The following ZBTB7A variants were observed in gnomAD, a reference collection of about 807,000 sequenced individuals.
The protein encoded by ZBTB7A is zinc finger and BTB domain containing 7A.
Under a neutral mutation model 26.7 loss-of-function variants are expected in ZBTB7A, and 7 were observed. The observed-to-expected ratio is 0.26, with a 90% CI of 0.15 to 0.49. The LOEUF (loss-of-function observed/expected upper bound fraction) is 0.49, where lower values mean the gene tolerates loss of function less well. Among genes scored for constraint, ZBTB7A ranks in the 20% least tolerant of loss-of-function variants. The pLI, the probability that ZBTB7A is intolerant of heterozygous loss-of-function variation, is 0.98. For missense variants in ZBTB7A, 617 were observed against 919.5 expected, an observed-to-expected ratio of 0.67 and a Z score of 4.25; for synonymous variants, 452 against 441.0, an observed-to-expected ratio of 1.02 and a Z score of -0.31.
At chr19:4,062,952 A>G (rs570017606) in intron 1 of ZBTB7A, among the ~76,000 whole-genome samples, 8 of 152,106 alleles carry the variant, frequency 5.3e-5, no homozygotes, top group African/African-American at 1.9e-4. Context: ...AGGGGGAGTG[A>G]CTGCTGGGGT....
chr19:4,046,074 C>T lies in ZBTB7A; in HGVS notation c.*1678G>A. On this transcript the variant is annotated 3_prime_UTR_variant, in exon 3 of 3. Transcript: ENST00000322357. ...GGATCGGGGTGCTCCGGCTGGAAGG[C>T]CCATCCCTGAGCTAGGGAGGAGGAA... 1 of 399,052 alleles carries T rather than the reference C, an allele frequency of 2.5e-6. No individual in the cohort carries two copies. The allele number at this position is 399,052 out of a possible 1,614,324, so 24.7% of individuals were successfully genotyped here.
Position 4,043,319 on chromosome 19 carries a change from G to A in ZBTB7A, c.*4433C>T, listed in dbSNP as rs1206773649. On this transcript the variant is annotated 3_prime_UTR_variant, in exon 3 of 3. Transcript: ENST00000322357. ...GGCGGCAGCGGTCGTAACAGGCTGC[G>A]TTTAGTGGTTCTTTTTTTTTTTTTA... 6.7e-6 allele frequency among the ~76,000 whole-genome samples: 1 copy of A among 149,950 alleles called. No homozygotes were observed. Among genetic ancestry groups the A allele is most frequent in the Non-Finnish European group, 1.5e-5 (1 of 67,578 alleles).
intron 1 of ZBTB7A, among the ~76,000 whole-genome samples, chr19:4,056,416 C>CG (rs760748848): frequency 5.3e-5 from 8 of 152,176 alleles, no homozygotes; most frequent in Admixed American, 1.3e-4. Flanking sequence ...GGAGGGCCCC[C>CG]GGGAATGCCT....
Position 4,054,606 on chromosome 19 carries a change from CACGGCGGCCACA to C in ZBTB7A, c.615_626del (p.Val206_Val209del), listed in dbSNP as rs1321910290. On this transcript the variant is annotated inframe_deletion, in exon 2 of 3. Coordinates refer to ENST00000322357, the MANE Select transcript of ZBTB7A (RefSeq NM_015898.4). ...CTAAGCCGTTGCAGTCGCCCGCGGC[CACGGCGGCCACA>C]GCGGCGGCCACGGCCTCCTTGGTGG... 6.3e-7 allele frequency: 1 copy of C among 1,583,042 alleles called. No homozygotes were observed. Among genetic ancestry groups the C allele is most frequent in the Admixed American group, 1.8e-5 (1 of 55,586 alleles).
At chr19:4,053,926 G>A in intron 2 of ZBTB7A, 45 bp downstream of exon 2, 1 of 1,538,998 alleles carries the variant, frequency 6.5e-7, no homozygotes, top group Non-Finnish European at 8.7e-7. Context: ...GGCGGATGCT[G>A]GGGCAGAGAG....
Position 4,052,019 on chromosome 19 carries a change from G to A in ZBTB7A, c.1262+1952C>T, listed in dbSNP as rs1027983590. On this transcript the variant is annotated intron_variant, in intron 2 of 2. Transcript: ENST00000322357. This position sits in a 1 kb window ranked among gnomAD's most constrained non-coding sequence, Gnocchi z 4.9. ...TGGAGGGTGGAGGTGCTGGTGTCCT[G>A]GGGAGGGGGGACCAGAGCACGGGGT... Among the ~76,000 whole-genome samples the A allele has an allele frequency of 2.6e-5, 4 of 152,330 alleles. No individual in the cohort carries two copies. Among genetic ancestry groups the A allele is most frequent in the Middle Eastern group, 3.4e-3 (1 of 294 alleles).
At position 4,054,153 on chromosome 19, in the gene ZBTB7A, G is replaced by A; in HGVS notation, c.1080C>T (p.His360=). ...DYYLKYFSGA[H]DGDVYPAWSQ... is the part of the protein sequence containing the mutation. ...ACCAGGCCGGGTAGACGTCGCCGTCGTGGGCGCCGCTGAAGTACTTCAGGT... is the reference window on the plus strand; with the variant it reads ...ACCAGGCCGGGTAGACGTCGCCGTCATGGGCGCCGCTGAAGTACTTCAGGT... The change falls in exon 2 of 3, where the codon CAC becomes CAT. Residue 360 remains histidine (H), a synonymous_variant. Transcript: ENST00000322357. The A allele has an allele frequency of 6.2e-7, 1 of 1,602,942 alleles. No homozygotes were observed.
chr19:4,043,530 T>C lies in ZBTB7A; in HGVS notation c.*4222A>G, dbSNP rs2040371224. 6.6e-6 allele frequency among the ~76,000 whole-genome samples: 1 copy of C among 151,606 alleles called. No individual in the cohort carries two copies. The highest frequency in any genetic ancestry group is 2.4e-5 in the African/African-American group (1 of 41,224). On this transcript the variant is annotated 3_prime_UTR_variant, in exon 3 of 3. Coordinates refer to ENST00000322357, the MANE Select transcript of ZBTB7A (RefSeq NM_015898.4). ...CTCTGGAATGTCTATCTGTCTGTGC[T>C]CTGTACCCTGAGGGCGCCGCCCCGC...
At chr19:4,053,716 C>T (rs1252207938) in intron 2 of ZBTB7A, among the ~76,000 whole-genome samples, 1 of 150,672 alleles carries the variant, frequency 6.6e-6, no homozygotes, top group Non-Finnish European at 1.5e-5. Context: ...TGCATGTGTA[C>T]GTGGCATACG....
At position 4,044,192 on chromosome 19, in the gene ZBTB7A, A is replaced by AC. The variant is rs973656999; in HGVS notation, c.*3559dup. Among the ~76,000 whole-genome samples, 8 of 149,236 alleles carry AC rather than the reference A, an allele frequency of 5.4e-5. No homozygotes were observed. The highest frequency in any genetic ancestry group is 2.1e-4 in the South Asian group (1 of 4,692). On this transcript the variant is annotated 3_prime_UTR_variant, in exon 3 of 3. Transcript: ENST00000322357. ...GGAAGACCCTGGAAGAGGCTGGGGG[A>AC]CCCCCCTCGGAAGGAAGCAAAAAGA...
At chr19:4,050,923 A>G (rs1343970495) in intron 2 of ZBTB7A, among the ~76,000 whole-genome samples, 1 of 151,374 alleles carries the variant, frequency 6.6e-6, no homozygotes, top group Admixed American at 6.6e-5. Flanking sequence ...ACGTGGTGAA[A>G]CCCCGTCTCT....
chr19:4,056,908 T>A (rs1385183963), intron 1 of ZBTB7A, among the ~76,000 whole-genome samples: 2 of 149,850 alleles, frequency 1.3e-5, no homozygotes, highest in African/African-American at 4.9e-5. Flanking sequence ...GTGCCTGTAA[T>A]CCCAGCTACT....
At chr19:4,053,869 G>T in intron 2 of ZBTB7A, 102 bp downstream of exon 2, 1 of 1,361,700 alleles carries the variant, frequency 7.3e-7, no homozygotes, top group African/African-American at 1.4e-5. Flanking sequence ...GCGTCTGCGT[G>T]CATGTGTGCG....
In ZBTB7A at chr19:4,047,624, TATATAG is replaced by T. The variant is rs2040437720; in HGVS notation, c.*122_*127del. ...TCATATATATATATCTGTATATATA[TATATAG>T]ATATAGATATCTGTATATAGATAGA... On this transcript the variant is annotated 3_prime_UTR_variant, in exon 3 of 3. Transcript: ENST00000322357. 5.0e-6 allele frequency: 4 copies of T among 793,568 alleles called. No homozygotes were observed. Among genetic ancestry groups the T allele is most frequent in the South Asian group, 2.1e-5 (1 of 46,630 alleles). 49.2% of individuals were successfully genotyped at this position (793,568 alleles called of 1,614,324 possible). A position where few individuals can be genotyped will look rare whatever the true frequency, so the allele number is the denominator to read the frequency against.
At chr19:4,057,918 C>T (rs989992708) in intron 1 of ZBTB7A, among the ~76,000 whole-genome samples, 2 of 152,192 alleles carry the variant, frequency 1.3e-5, no homozygotes, top group Admixed American at 1.3e-4. Context: ...GACACAGTTG[C>T]GTCCAAACTC....
intron 1 of ZBTB7A, among the ~76,000 whole-genome samples, chr19:4,060,526 T>A (rs910986388): frequency 1.3e-5 from 2 of 152,174 alleles, no homozygotes; most frequent in Admixed American, 6.5e-5. Flanking sequence ...ACAGCAGCCC[T>A]CTGATCTGGG....
chr19:4,064,395 G>T (rs534369284), intron 1 of ZBTB7A, among the ~76,000 whole-genome samples: 1 of 152,208 alleles, frequency 6.6e-6, no homozygotes, highest in Non-Finnish European at 1.5e-5. Flanking sequence ...CGGCCCCGCC[G>T]ATAGGTGCTC....
chr19:4,049,164 GTGTGTA>G lies in ZBTB7A; in HGVS notation c.1263-926_1263-921del, dbSNP rs1350523720. On this transcript the variant is annotated intron_variant, in intron 2 of 2. Coordinates refer to ENST00000322357, the MANE Select transcript of ZBTB7A (RefSeq NM_015898.4). ...TTAAACTATATGTGTGTGTGTGTGTGTGTGTATATATATATATATATATATATATAT... is the reference window on the plus strand; with the variant it reads ...TTAAACTATATGTGTGTGTGTGTGTGTATATATATATATATATATATATAT... Among the ~76,000 whole-genome samples, 46 of 21,162 alleles carry G rather than the reference GTGTGTA, an allele frequency of 2.2e-3. No homozygotes were observed. The South Asian group carries it at 0.035, about 16-fold the overall frequency. The allele number at this position is 21,162 out of a possible 152,430, so 13.9% of individuals were successfully genotyped here.
At chr19:4,050,777 G>A (rs558135996) in intron 2 of ZBTB7A, among the ~76,000 whole-genome samples, 5 of 152,024 alleles carry the variant, frequency 3.3e-5, no homozygotes, top group Admixed American at 2.6e-4. Flanking sequence ...TTTTTTGAAC[G>A]GGGCTGTCAG....
Sources: allele counts gnomAD v4.1 joint callset (sites outside exome capture counted in the v4.1 genomes callset), GRCh38; gene constraint gnomAD v4.1.1; non-coding constraint Gnocchi (gnomAD v3.1); transcripts MANE v1.5; gene names NCBI Gene and HGNC (gene_info 2026-07-23, HGNC 2026-07-21).